SH3PXD2A: variants seen among roughly 807,000 people sequenced by gnomAD.
The protein encoded by SH3PXD2A is SH3 and PX domain-containing protein 2A.
SH3PXD2A carries 32 observed loss-of-function variants against 115.2 expected under a neutral mutation model. The observed-to-expected ratio is 0.28, with a 90% CI of 0.21 to 0.37. The LOEUF is 0.37. Ranked by LOEUF, SH3PXD2A falls within the 10% of genes least tolerant of loss-of-function variation. SH3PXD2A has a pLI of 1.00. For missense variants in SH3PXD2A, 1,328 were observed against 1,498.7 expected (o/e 0.89, Z 1.88); for synonymous variants, 610 against 629.1 (o/e 0.97, Z 0.45).
intron 2 of SH3PXD2A, among the ~76,000 whole-genome samples, chr10:103,790,450 G>A (rs1050246212): frequency 4.6e-5 from 7 of 152,094 alleles, no homozygotes; most frequent in Non-Finnish European, 8.8e-5. Flanking sequence ...CACCGCGCCC[G>A]GCCCAGAAAG....
chr10:103,790,954 C>T (rs758180560), intron 2 of SH3PXD2A, among the ~76,000 whole-genome samples: 4 of 152,188 alleles, frequency 2.6e-5, no homozygotes, highest in Admixed American at 6.5e-5. Flanking sequence ...ATGTACCTCC[C>T]ATATTGTGCT....
chr10:103,801,177 C>G (rs2039143225), intron 2 of SH3PXD2A, 105 bp downstream of exon 2: 1 of 710,774 alleles, frequency 1.4e-6, no homozygotes, highest in Non-Finnish European at 2.5e-6. Context: ...CACCTGGACT[C>G]TGACCCTGAC....
At chr10:103,818,499 A>G (rs971378571) in intron 1 of SH3PXD2A, among the ~76,000 whole-genome samples, 1 of 152,174 alleles carries the variant, frequency 6.6e-6, no homozygotes, top group Non-Finnish European at 1.5e-5. Flanking sequence ...TTTAACACTG[A>G]GAATTGGAAA....
chr10:103,836,965 C>A (rs996475432), intron 1 of SH3PXD2A, among the ~76,000 whole-genome samples: 3 of 152,166 alleles, frequency 2.0e-5, no homozygotes, highest in African/African-American at 7.2e-5. Context: ...TGCTGCTCCT[C>A]CCAGCCTGAT....
At chr10:103,753,917 C>T (rs889652961) in intron 3 of SH3PXD2A, 1 of 152,208 alleles carries the variant, frequency 6.6e-6, no homozygotes, top group African/African-American at 2.4e-5. Context: ...CTGTCTTTCA[C>T]CAGCAAGTTT....
chr10:103,633,754 A>AG (rs1264722146), intron 8 of SH3PXD2A, among the ~76,000 whole-genome samples: 1 of 149,152 alleles, frequency 6.7e-6, no homozygotes, highest in African/African-American at 2.5e-5. Flanking sequence ...AAAAAAAAAA[A>AG]AGACTCAGCT....
intron 9 of SH3PXD2A, among the ~76,000 whole-genome samples, chr10:103,623,269 G>C (rs7913818): frequency 0.53 from 78,528 of 149,102 alleles, 20,626 homozygotes; most frequent in Middle Eastern, 0.63. Flanking sequence ...GATGACAGGG[G>C]CCCCCTCCCC....
intron 2 of SH3PXD2A, among the ~76,000 whole-genome samples, chr10:103,799,512 CG>C (rs2039127199): frequency 6.6e-6 from 1 of 152,250 alleles, no homozygotes; most frequent in African/African-American, 2.4e-5. Flanking sequence ...TCCCTGCTTG[CG>C]TATCCCCTTT....
At chr10:103,642,047 A>G (rs537741790) in intron 8 of SH3PXD2A, among the ~76,000 whole-genome samples, 1 of 152,324 alleles carries the variant, frequency 6.6e-6, no homozygotes, top group African/African-American at 2.4e-5. Context: ...CCCAAGTTCA[A>G]AATGTACTTA....
At position 103,598,452 on chromosome 10, in the gene SH3PXD2A, A is replaced by T. The variant is rs1025008492; in HGVS notation, c.*3364T>A. 1.3e-5 allele frequency: 2 copies of T among 152,658 alleles called. No individual in the cohort carries two copies. Among genetic ancestry groups the T allele is most frequent in the Non-Finnish European group, 2.9e-5 (2 of 68,048 alleles). 9.5% of individuals were successfully genotyped at this position (152,658 alleles called of 1,614,324 possible). On this transcript the variant is annotated 3_prime_UTR_variant, in exon 15 of 15. Coordinates refer to ENST00000369774, the MANE Select transcript of SH3PXD2A (RefSeq NM_001394015.1). ...AGAAAAAGGTCTTGAAACGGAAAGGAAAACAAAGCACCAAATGCTGCATCT... is the reference window on the plus strand; with the variant it reads ...AGAAAAAGGTCTTGAAACGGAAAGGTAAACAAAGCACCAAATGCTGCATCT...
intron 8 of SH3PXD2A, among the ~76,000 whole-genome samples, chr10:103,641,709 G>T (rs144902342): frequency 1.5e-3 from 224 of 152,308 alleles, no homozygotes; most frequent in African/African-American, 4.4e-3. Context: ...AGTCTTGGAA[G>T]AGTCGAGGGT....
At chr10:103,661,829 G>A (rs2037309574) in intron 7 of SH3PXD2A, 3 of 985,052 alleles carry the variant, frequency 3.0e-6, no homozygotes, top group Non-Finnish European at 3.6e-6. Flanking sequence ...GGAGGCAGGG[G>A]AGGGGGAGGA....
chr10:103,626,816 C>A (rs1032264157), intron 9 of SH3PXD2A, among the ~76,000 whole-genome samples: 3 of 151,778 alleles, frequency 2.0e-5, no homozygotes, highest in Admixed American at 2.0e-4. Flanking sequence ...GGTGGAAAAA[C>A]AAACCTCATG....
intron 1 of SH3PXD2A, among the ~76,000 whole-genome samples, chr10:103,846,581 C>T (rs943058447): frequency 1.3e-5 from 2 of 152,234 alleles, no homozygotes; most frequent in African/African-American, 2.4e-5. Context: ...GACCTCCTCA[C>T]ACAGCTATCA....
At position 103,784,378 on chromosome 10, in the gene SH3PXD2A, A is replaced by G. The variant is rs1157202266; in HGVS notation, c.153+16904T>C. Among the ~76,000 whole-genome samples the G allele has an allele frequency of 2.0e-5, 3 of 151,912 alleles. No individual in the cohort carries two copies. The highest frequency in any genetic ancestry group is 4.4e-5 in the Non-Finnish European group (3 of 67,982). ...CCTACCTGAACCCCAGCCCTTCTCC[A>G]CCTCCAGTTCCACTCCTACACGCAG... On this transcript the variant is annotated intron_variant, in intron 2 of 14. Coordinates refer to ENST00000369774, the MANE Select transcript of SH3PXD2A (RefSeq NM_001394015.1). The surrounding 1 kb of genome is among the most constrained non-coding windows in gnomAD (Gnocchi z 4.4).
chr10:103,661,320 G>T (rs1363784720), intron 7 of SH3PXD2A, among the ~76,000 whole-genome samples: 3 of 152,356 alleles, frequency 2.0e-5, no homozygotes, highest in African/African-American at 7.2e-5. Flanking sequence ...TGCACCGCGG[G>T]GTCCGGGGGA....
intron 5 of SH3PXD2A, among the ~76,000 whole-genome samples, chr10:103,719,721 C>CTTTTTTTTTTTTTTTTTTTTTCT (rs11438501): frequency 1.7e-5 from 2 of 114,720 alleles, no homozygotes; most frequent in Non-Finnish European, 3.4e-5. Context: ...TTTTTTCTTT[C>CTTTTTTTTTTTTTTTTTTTTTCT]TTTTTTTTTT....
intron 4 of SH3PXD2A, among the ~76,000 whole-genome samples, chr10:103,728,493 C>T (rs912071358): frequency 2.0e-5 from 3 of 152,196 alleles, no homozygotes; most frequent in South Asian, 4.1e-4. Context: ...GCTCACTTCA[C>T]CTCTCTGGTT....
intron 1 of SH3PXD2A, among the ~76,000 whole-genome samples, chr10:103,812,924 T>C (rs975472550): frequency 1.3e-5 from 2 of 152,228 alleles, no homozygotes; most frequent in African/African-American, 2.4e-5. Flanking sequence ...CCGCTAAGAA[T>C]TTATCCACAC....
Sources: allele counts gnomAD v4.1 joint callset (sites outside exome capture counted in the v4.1 genomes callset), GRCh38; gene constraint gnomAD v4.1.1; non-coding constraint Gnocchi (gnomAD v3.1); transcripts MANE v1.5; gene names NCBI Gene and HGNC (gene_info 2026-07-23, HGNC 2026-07-21).